The following FARS2 variants were observed in gnomAD, a reference collection of about 807,000 sequenced individuals.
FARS2 encodes the protein phenylalanine--tRNA ligase, mitochondrial.
In FARS2, 40 loss-of-function variants were observed where a neutral mutation model predicts 46.4. The observed-to-expected ratio is 0.86, with a 90% CI of 0.67 to 1.12. The LOEUF (loss-of-function observed/expected upper bound fraction) is 1.12. Ranked by LOEUF, FARS2 falls within the 50% of genes most tolerant of loss-of-function variation. The pLI, the probability that FARS2 is intolerant of heterozygous loss-of-function variation, is 0.00. For missense variants in FARS2, 513 were observed against 567.9 expected, an observed-to-expected ratio of 0.90 and a Z score of 0.98; for synonymous variants, 234 against 214.9, an observed-to-expected ratio of 1.09 and a Z score of -0.78.
At chr6:5,380,449 T>C (rs1293568776) in intron 2 of FARS2, among the ~76,000 whole-genome samples, 1 of 152,232 alleles carries the variant, frequency 6.6e-6, no homozygotes, top group South Asian at 2.1e-4. Flanking sequence ...AACAGTAAAC[T>C]TCACGCCTTG....
intron 1 of FARS2, among the ~76,000 whole-genome samples, chr6:5,278,796 A>G (rs1048632527): frequency 6.6e-6 from 1 of 152,194 alleles, no homozygotes; most frequent in Non-Finnish European, 1.5e-5. Flanking sequence ...AGCTCTTCCC[A>G]GCAAGAGAGG....
At chr6:5,393,573 A>G (rs1178770945) in intron 2 of FARS2, among the ~76,000 whole-genome samples, 1 of 152,062 alleles carries the variant, frequency 6.6e-6, no homozygotes, top group African/African-American at 2.4e-5. Context: ...CAGGAGAATC[A>G]CTTGAACCCG....
intron 4 of FARS2, among the ~76,000 whole-genome samples, chr6:5,543,937 C>T (rs1331592975): frequency 1.3e-5 from 2 of 149,980 alleles, no homozygotes. Flanking sequence ...TAACATAGCA[C>T]GAATTGACTA....
At chr6:5,456,610 G>A (rs530453350) in intron 4 of FARS2, among the ~76,000 whole-genome samples, 30 of 151,186 alleles carry the variant, frequency 2.0e-4, no homozygotes, top group South Asian at 2.1e-4. Flanking sequence ...GTGCGTGCCT[G>A]TAAGCTCAGC....
intron 1 of FARS2, among the ~76,000 whole-genome samples, chr6:5,304,437 G>T (rs1391263693): frequency 1.3e-5 from 2 of 152,156 alleles, no homozygotes; most frequent in Non-Finnish European, 2.9e-5. Context: ...TTTTGAATTA[G>T]TCTCTTATGA....
chr6:5,546,283 A>C (rs573491835), intron 5 of FARS2, among the ~76,000 whole-genome samples: 1 of 142,084 alleles, frequency 7.0e-6, no homozygotes, highest in Non-Finnish European at 1.5e-5. Flanking sequence ...TTTAGACAGA[A>C]TCTCACTCTG....
At chr6:5,276,313 A>G (rs951521862) in intron 1 of FARS2, among the ~76,000 whole-genome samples, 4 of 152,230 alleles carry the variant, frequency 2.6e-5, no homozygotes, top group African/African-American at 9.6e-5. Context: ...ATTTGGTCTC[A>G]TTTCACAGCT....
chr6:5,475,745 C>T (rs1381043035), intron 4 of FARS2, among the ~76,000 whole-genome samples: 1 of 152,144 alleles, frequency 6.6e-6, no homozygotes, highest in Non-Finnish European at 1.5e-5. Flanking sequence ...CAGGGCTTTG[C>T]ATGGATGCCG....
chr6:5,674,193 TAAA>T (rs71540878), intron 6 of FARS2, among the ~76,000 whole-genome samples: 76 of 76,354 alleles, frequency 1.0e-3, no homozygotes, highest in African/African-American at 3.3e-3. Context: ...GCATTCTCAT[TAAA>T]AAAAAAAAAA....
intron 5 of FARS2, among the ~76,000 whole-genome samples, chr6:5,556,999 A>G (rs1771700470): frequency 1.3e-5 from 2 of 152,106 alleles, no homozygotes; most frequent in African/African-American, 4.8e-5. Context: ...GAATCACCTA[A>G]ACTGTACATT....
chr6:5,564,257 A>G (rs768960334), intron 5 of FARS2, among the ~76,000 whole-genome samples: 1 of 152,208 alleles, frequency 6.6e-6, no homozygotes, highest in African/African-American at 2.4e-5. Flanking sequence ...GCTAAGATAT[A>G]GAATTCTCCT....
chr6:5,566,549 A>G (rs929705639), intron 5 of FARS2, among the ~76,000 whole-genome samples: 1 of 152,184 alleles, frequency 6.6e-6, no homozygotes, highest in African/African-American at 2.4e-5. Flanking sequence ...CCATACTACC[A>G]GAAGTTATTT....
At chr6:5,324,281 A>G (rs1022507854) in intron 1 of FARS2, among the ~76,000 whole-genome samples, 1 of 152,022 alleles carries the variant, frequency 6.6e-6, no homozygotes, top group Admixed American at 6.5e-5. Flanking sequence ...ATGCATATGC[A>G]TTTCACCTGC....
intron 4 of FARS2, among the ~76,000 whole-genome samples, chr6:5,516,839 A>G (rs1343312055): frequency 1.3e-5 from 2 of 152,212 alleles, no homozygotes; most frequent in Non-Finnish European, 2.9e-5. Context: ...TAAGTTTTCA[A>G]TTCCAGCTTC....
At chr6:5,514,076 A>G (rs574727136) in intron 4 of FARS2, among the ~76,000 whole-genome samples, 13 of 139,932 alleles carry the variant, frequency 9.3e-5, no homozygotes, top group African/African-American at 3.2e-4. Context: ...GAAAATTAAC[A>G]TAAAAATCTG....
chr6:5,490,071 A>G lies in FARS2; in HGVS notation c.905-55109A>G, dbSNP rs144497325. On this transcript the variant is annotated intron_variant, in intron 4 of 6. Coordinates refer to ENST00000274680, the MANE Select transcript of FARS2 (RefSeq NM_006567.5). ...TCGGTTGACCTTTCTCTTCATCCCC[A>G]AACCCAAGCAATCACTGATTTTCTT... Among the ~76,000 whole-genome samples, 559 of 152,278 alleles carry G rather than the reference A, an allele frequency of 3.7e-3. 3 individuals are homozygous for G. The highest frequency in any genetic ancestry group is 0.012 in the African/African-American group (519 of 41,542).
chr6:5,292,509 A>G (rs1278309321), intron 1 of FARS2, among the ~76,000 whole-genome samples: 1 of 152,198 alleles, frequency 6.6e-6, no homozygotes, highest in Non-Finnish European at 1.5e-5. Flanking sequence ...CCCTGACTGG[A>G]TATGAGGAAT....
intron 6 of FARS2, among the ~76,000 whole-genome samples, chr6:5,751,918 A>G (rs924347456): frequency 1.3e-5 from 2 of 152,180 alleles, no homozygotes; most frequent in African/African-American, 4.8e-5. Flanking sequence ...TCACCTTGTC[A>G]GTGCTGGAAG....
At chr6:5,527,052 A>G (rs1582357793) in intron 4 of FARS2, among the ~76,000 whole-genome samples, 2 of 95,856 alleles carry the variant, frequency 2.1e-5, no homozygotes, top group Admixed American at 9.4e-5. Flanking sequence ...AAGGAATCAG[A>G]CAGTCTTCTT....
Sources: gnomAD v4.1 joint callset for allele counts (sites outside exome capture counted in the v4.1 genomes callset) on GRCh38, gnomAD v4.1.1 for gene constraint, MANE v1.5 for transcripts, NCBI Gene and HGNC (gene_info 2026-07-23, HGNC 2026-07-21) for gene names.